The following VAPA variants were observed in gnomAD, a reference collection of about 807,000 sequenced individuals.
VAPA encodes VAMP associated protein A.
Under a neutral mutation model 25.6 loss-of-function variants are expected in VAPA, and 6 were observed. The ratio of observed to expected loss-of-function variants is 0.23; its 90% CI spans 0.13 to 0.46. The LOEUF is 0.46. Ranked by LOEUF, VAPA falls within the 20% of genes least tolerant of loss-of-function variation. The pLI is 0.99. For missense variants in VAPA, 244 were observed against 302.1 expected, an observed-to-expected ratio of 0.81 and a Z score of 1.43; for synonymous variants, 112 against 106.2, an observed-to-expected ratio of 1.05 and a Z score of -0.34.
At chr18:9,927,201 C>G (rs2143318031) in intron 1 of VAPA, among the ~76,000 whole-genome samples, 1 of 152,236 alleles carries the variant, frequency 6.6e-6, no homozygotes, top group Non-Finnish European at 1.5e-5. Context: ...GATGTCTGGA[C>G]AGGGCAGATA....
At chr18:9,952,293 C>T (rs1376887175) in intron 5 of VAPA, among the ~76,000 whole-genome samples, 1 of 152,030 alleles carries the variant, frequency 6.6e-6, no homozygotes, top group African/African-American at 2.4e-5. Flanking sequence ...CTGGGCTGGG[C>T]GGGTGGCTCA....
intron 1 of VAPA, among the ~76,000 whole-genome samples, chr18:9,929,898 CT>C (rs770545318): frequency 1.7e-4 from 26 of 152,080 alleles, no homozygotes; most frequent in Non-Finnish European, 3.1e-4. Flanking sequence ...AGGTGTATTT[CT>C]TTTGATATAT....
intron 4 of VAPA, among the ~76,000 whole-genome samples, chr18:9,941,975 G>T (rs1425865949): frequency 3.3e-5 from 5 of 152,146 alleles, no homozygotes; most frequent in Non-Finnish European, 5.9e-5. Context: ...AATTCTTTGA[G>T]ATCTTTTGAC....
chr18:9,928,193 A>T (rs777457669), intron 1 of VAPA, among the ~76,000 whole-genome samples: 7 of 152,148 alleles, frequency 4.6e-5, no homozygotes, highest in Non-Finnish European at 8.8e-5. Flanking sequence ...CTCTAAACCT[A>T]TTTATTACAT....
At position 9,950,385 on chromosome 18, in the gene VAPA, T is replaced by C; in HGVS notation, c.418-10T>C. 6.2e-7 allele frequency: 1 copy of C among 1,607,280 alleles called. No individual in the cohort carries two copies. Among genetic ancestry groups the C allele is most frequent in the Non-Finnish European group, 8.5e-7 (1 of 1,178,420 alleles). ...TTAGTTAAAAAATTCCCAATATCTT[T>C]GTAATGCAGAATGATATGGAACCTA... On this transcript the variant is annotated splice_polypyrimidine_tract_variant and intron_variant, in intron 4 of 5. Coordinates refer to ENST00000400000, the MANE Select transcript of VAPA (RefSeq NM_194434.3).
rs533300568 is a variant in VAPA at position 9,914,349 on chromosome 18, G to T, written c.79+14G>T. On this transcript the variant is annotated intron_variant, in intron 1 of 5. Coordinates refer to ENST00000400000, the MANE Select transcript of VAPA (RefSeq NM_194434.3). ...TCAAATTCAAAGGTAGGCAGAACGG[G>T]GACACCCCCGGGTGGGGTGGGGCGC... The T allele has an allele frequency of 4.0e-5, 62 of 1,568,786 alleles. No individual in the cohort carries two copies. The South Asian group carries it at 6.3e-4, about 16-fold the overall frequency.
intron 1 of VAPA, among the ~76,000 whole-genome samples, chr18:9,923,495 G>T (rs978937435): frequency 1.3e-5 from 2 of 152,268 alleles, no homozygotes; most frequent in East Asian, 1.9e-4. Flanking sequence ...CAGCTCTTTT[G>T]TAGCTGTATG....
rs777716243 is a variant in VAPA, at chr18:9,936,966, T to C, written c.337-20T>C. 6.2e-7 allele frequency: 1 copy of C among 1,607,574 alleles called. No homozygotes were observed. The highest frequency in any genetic ancestry group is 8.5e-7 in the Non-Finnish European group (1 of 1,174,238). On this transcript the variant is annotated intron_variant, in intron 3 of 5. Transcript: ENST00000400000. ...TGATCATACCTCCTATGTCTCATGT[T>C]TGGTTTTGTTTATTTTTAGTGGAAA...
chr18:9,923,655 A>G (rs897810137), intron 1 of VAPA, among the ~76,000 whole-genome samples: 135 of 152,232 alleles, frequency 8.9e-4, no homozygotes, highest in African/African-American at 3.1e-3. Flanking sequence ...TTTCCTGTGA[A>G]AAAATTTTAC....
chr18:9,928,888 A>G (rs970798437), intron 1 of VAPA, among the ~76,000 whole-genome samples: 1 of 152,212 alleles, frequency 6.6e-6, no homozygotes, highest in African/African-American at 2.4e-5. Context: ...TAAGAGAAAT[A>G]AGAGTTATCC....
intron 5 of VAPA, among the ~76,000 whole-genome samples, chr18:9,953,595 A>G (rs907010497): frequency 4.6e-5 from 7 of 152,154 alleles, no homozygotes; most frequent in Non-Finnish European, 8.8e-5. Context: ...GGCAGACTAC[A>G]GGTCTGGGTA....
At chr18:9,935,189 C>G (rs948468830) in intron 2 of VAPA, among the ~76,000 whole-genome samples, 2 of 151,428 alleles carry the variant, frequency 1.3e-5, no homozygotes, top group African/African-American at 4.9e-5. Flanking sequence ...TCCTTGTGTA[C>G]TTTTGTTTTC....
At chr18:9,938,350 T>TA (rs1234537212) in intron 4 of VAPA, among the ~76,000 whole-genome samples, 1 of 152,256 alleles carries the variant, frequency 6.6e-6, no homozygotes, top group African/African-American at 2.4e-5. Context: ...AGGTATTTGA[T>TA]ACTGCTGATT....
intron 5 of VAPA, among the ~76,000 whole-genome samples, chr18:9,953,112 T>G (rs2069507287): frequency 6.6e-6 from 1 of 152,240 alleles, no homozygotes; most frequent in African/African-American, 2.4e-5. Context: ...TTCCCAAGGT[T>G]CACATTGCAC....
rs982709221 is a variant in VAPA at position 9,956,878 on chromosome 18, C to T, written c.*2667C>T. ...TGACACTGAATGCACTAGCTTCCTT[C>T]GTTCTATAACTAATGTACCTTAACT... On this transcript the variant is annotated 3_prime_UTR_variant, in exon 6 of 6. Transcript: ENST00000400000. 1 of 152,016 alleles carries T rather than the reference C, an allele frequency of 6.6e-6. No homozygotes were observed. The highest frequency in any genetic ancestry group is 1.5e-5 in the Non-Finnish European group (1 of 68,028). 9.4% of individuals were successfully genotyped at this position (152,016 alleles called of 1,614,324 possible).
intron 1 of VAPA, among the ~76,000 whole-genome samples, chr18:9,924,443 A>G (rs1285281656): frequency 1.3e-5 from 2 of 152,210 alleles, no homozygotes; most frequent in Non-Finnish European, 1.5e-5. Flanking sequence ...GGAGGGACAT[A>G]AAATTGGTAT....
Position 9,953,980 on chromosome 18 carries a change from A to G in VAPA, c.592-73A>G, listed in dbSNP as rs1042831850. 27 of 1,576,198 alleles carry G rather than the reference A, an allele frequency of 1.7e-5. No homozygotes were observed. In the African/African-American group the frequency reaches 3.3e-4, roughly 19 times the overall value. ...CCACTAATCTACTTTCCGTCCCTAT[A>G]GATTTTTAGCTCCAGTAGTCTCGTT... On this transcript the variant is annotated intron_variant, in intron 5 of 5. Coordinates refer to ENST00000400000, the MANE Select transcript of VAPA (RefSeq NM_194434.3).
At chr18:9,930,701 A>T (rs566810444) in intron 1 of VAPA, among the ~76,000 whole-genome samples, 163 of 149,250 alleles carry the variant, frequency 1.1e-3, no homozygotes, top group Non-Finnish European at 1.2e-3. Flanking sequence ...TTTTTTTTTA[A>T]AAAAAAAATG....
At chr18:9,920,597 C>T (rs966959879) in intron 1 of VAPA, among the ~76,000 whole-genome samples, 1 of 152,226 alleles carries the variant, frequency 6.6e-6, no homozygotes, top group Non-Finnish European at 1.5e-5. Flanking sequence ...TGTGCCCAGC[C>T]TCCTTTATTG....
Sources: allele counts gnomAD v4.1 joint callset (sites outside exome capture counted in the v4.1 genomes callset), GRCh38; gene constraint gnomAD v4.1.1; transcripts MANE v1.5; gene names NCBI Gene and HGNC (gene_info 2026-07-23, HGNC 2026-07-21).